Variants in PPP1R21 observed in about 807,000 individuals in gnomAD.
PPP1R21 encodes the protein protein phosphatase 1 regulatory subunit 21.
PPP1R21 carries 85 observed loss-of-function variants against 112.8 expected under a neutral mutation model. That is an observed-to-expected ratio of 0.75 (90% CI 0.63 to 0.90). PPP1R21 has a LOEUF of 0.90. Among genes scored for constraint, PPP1R21 ranks in the 40% least tolerant of loss-of-function variants. The pLI, the probability that PPP1R21 is intolerant of heterozygous loss-of-function variation, is 0.00. For missense variants in PPP1R21, 1,199 were observed against 901.5 expected (o/e 1.33, Z -4.23); for synonymous variants, 381 against 322.3 (o/e 1.18, Z -1.95).
In PPP1R21 at chr2:48,480,156, C is replaced by T. The variant is rs1344773896; in HGVS notation, c.1318+140C>T. 1.4e-5 allele frequency: 9 copies of T among 652,488 alleles called. No homozygotes were observed. In the East Asian group the frequency reaches 1.6e-4, roughly 12 times the overall value. The allele number at this position is 652,488 out of a possible 1,614,324, so 40.4% of individuals were successfully genotyped here. On this transcript the variant is annotated intron_variant, in intron 13 of 21. Coordinates refer to ENST00000294952, the MANE Select transcript of PPP1R21 (RefSeq NM_001135629.3). ...TAGCATTTGGCTTATGTTGAGTGCA[C>T]AGCTCACTGCCTTCTGCTTTTCCCA...
At chr2:48,450,891 A>G (rs1572829317) in intron 1 of PPP1R21, 117 bp from the exon 2 acceptor site, 11 of 752,572 alleles carry the variant, frequency 1.5e-5, no homozygotes, top group East Asian at 2.6e-5. Context: ...GTTCTCATAT[A>G]TATGTGAGAA....
Position 48,461,214 on chromosome 2 carries a change from G to A in PPP1R21, c.676G>A (p.Val226Ile). 1.3e-6 allele frequency: 2 copies of A among 1,575,556 alleles called. No homozygotes were observed. The highest frequency in any genetic ancestry group is 1.7e-6 in the Non-Finnish European group (2 of 1,166,596). Residue 226 changes from valine to isoleucine, a missense_variant, in exon 7 of 22, where the codon GTA (valine) becomes ATA (isoleucine). Val to Ile is a conservative substitution (Grantham distance 29). Coordinates refer to ENST00000294952, the MANE Select transcript of PPP1R21 (RefSeq NM_001135629.3). The stretch of plus-strand genomic sequence containing the variant: ...ATCCTTATCAATCATCAATGAAAAA[G>A]TACCTTTTAATGATACAAGTAGGTA... ...EESLSIINEKVPFNDTKYSQY... is the reference protein window; with the variant it reads ...EESLSIINEKIPFNDTKYSQY...
chr2:48,508,719 A>G (rs1572900771), intron 19 of PPP1R21, among the ~76,000 whole-genome samples: 2 of 152,270 alleles, frequency 1.3e-5, no homozygotes, highest in South Asian at 2.1e-4. Context: ...TGTCAGGTTC[A>G]TTGCTGAGCA....
At chr2:48,450,205 A>G (rs1017839668) in intron 1 of PPP1R21, among the ~76,000 whole-genome samples, 5 of 152,298 alleles carry the variant, frequency 3.3e-5, no homozygotes, top group African/African-American at 1.2e-4. Context: ...AATAGCAGCC[A>G]GTATTGTCTA....
chr2:48,497,702 A>T (rs1182302421), intron 16 of PPP1R21, among the ~76,000 whole-genome samples: 1 of 142,088 alleles, frequency 7.0e-6, no homozygotes, highest in African/African-American at 2.7e-5. Flanking sequence ...CCCAGGCTGG[A>T]GTGCAGTGGC....
chr2:48,512,162 T>C lies in PPP1R21; in HGVS notation c.2313+694T>C, dbSNP rs117808359. On this transcript the variant is annotated intron_variant, in intron 21 of 21. Coordinates refer to ENST00000294952, the MANE Select transcript of PPP1R21 (RefSeq NM_001135629.3). Reference sequence around the variant, plus strand: ...GAAAATTTATTCTCATAAATGTTAATATAACCTTGGAATGTCTTACCCTTT... The same window carrying C: ...GAAAATTTATTCTCATAAATGTTAACATAACCTTGGAATGTCTTACCCTTT... 3.4e-4 allele frequency among the ~76,000 whole-genome samples: 52 copies of C among 152,346 alleles called. No individual in the cohort carries two copies. The East Asian group carries it at 9.8e-3, about 29-fold the overall frequency.
chr2:48,445,099 A>G (rs1445951231), intron 1 of PPP1R21, among the ~76,000 whole-genome samples: 2 of 150,002 alleles, frequency 1.3e-5, no homozygotes, highest in African/African-American at 2.5e-5. Context: ...AGAGAAATAG[A>G]CTCAGGAGCT....
At chr2:48,446,278 A>G (rs192592961) in intron 1 of PPP1R21, among the ~76,000 whole-genome samples, 168 of 152,280 alleles carry the variant, frequency 1.1e-3, no homozygotes, top group African/African-American at 3.9e-3. Context: ...AGCCTATCAC[A>G]TATTGTCAGA....
intron 17 of PPP1R21, among the ~76,000 whole-genome samples, chr2:48,504,348 A>T (rs952632686): frequency 4.6e-5 from 7 of 152,206 alleles, no homozygotes; most frequent in African/African-American, 1.7e-4. Context: ...AGAATACATT[A>T]AAACTGTCTA....
chr2:48,468,855 G>GTGTGTGTGTA (rs1553339051), intron 9 of PPP1R21, among the ~76,000 whole-genome samples: 1 of 151,100 alleles, frequency 6.6e-6, no homozygotes, highest in South Asian at 2.1e-4. Context: ...GTGTGTGTGT[G>GTGTGTGTGTA]TGTATGTATA....
At chr2:48,489,529 T>C (rs1456188826) in intron 14 of PPP1R21, among the ~76,000 whole-genome samples, 2 of 151,714 alleles carry the variant, frequency 1.3e-5, no homozygotes, top group African/African-American at 4.8e-5. Flanking sequence ...TTTGAAAAGA[T>C]GAGGTCTTGC....
At chr2:48,499,817 T>G (rs1558513355) in intron 17 of PPP1R21, among the ~76,000 whole-genome samples, 2 of 152,334 alleles carry the variant, frequency 1.3e-5, no homozygotes, top group Non-Finnish European at 2.9e-5. Context: ...GAATTTAAAG[T>G]TACTTTAAAA....
At position 48,454,501 on chromosome 2, in the gene PPP1R21, G is replaced by C. The variant is rs551758735; in HGVS notation, c.127-94G>C. ...TGAATTTCCTAAAGCAAGAGGTTTT[G>C]ATTATATTTTGGTGAAATAGAAATA... On this transcript the variant is annotated intron_variant, in intron 2 of 21. Transcript: ENST00000294952. 5 of 1,456,222 alleles carry C rather than the reference G, an allele frequency of 3.4e-6. No individual in the cohort carries two copies. In the South Asian group the frequency reaches 6.2e-5, roughly 18 times the overall value. The allele number at this position is 1,456,222 out of a possible 1,614,324, so 90.2% of individuals were successfully genotyped here.
intron 14 of PPP1R21, 43 bp from the exon 15 acceptor site, chr2:48,490,975 T>G: frequency 6.4e-7 from 1 of 1,559,480 alleles, no homozygotes; most frequent in Non-Finnish European, 8.8e-7. Context: ...TTTAGATATA[T>G]TGTTGGAAAA....
rs780529288 is a variant in PPP1R21, at chr2:48,451,076, G to A, written c.126G>A (p.Lys42=). 6.2e-7 allele frequency: 1 copy of A among 1,612,180 alleles called. No individual in the cohort carries two copies. The highest frequency in any genetic ancestry group is 1.7e-5 in the Admixed American group (1 of 60,004). ...AACAAGCAAATTCTGCAGCTTTAAA[G>A]GTGGGCAACAGGATATTTGTGTTGT... is the stretch of plus-strand genomic sequence containing the variant. ...VDEQANSAAL[K]EQLKMKDQSL... Residue 42 remains lysine (K), a splice_region_variant and synonymous_variant, in exon 2 of 22, where the codon AAG becomes AAA. Transcript: ENST00000294952.
intron 7 of PPP1R21, 62 bp downstream of exon 7, chr2:48,461,294 A>C: frequency 7.0e-7 from 1 of 1,431,334 alleles, no homozygotes; most frequent in Non-Finnish European, 9.1e-7. Flanking sequence ...GTAGCCAACT[A>C]ATTAAAGTAA....
chr2:48,477,912 G>A (rs537421694), intron 12 of PPP1R21, among the ~76,000 whole-genome samples: 3 of 152,120 alleles, frequency 2.0e-5, no homozygotes, highest in Admixed American at 6.5e-5. Flanking sequence ...GATCTCTGCA[G>A]ATGTCATCAA....
intron 1 of PPP1R21, among the ~76,000 whole-genome samples, chr2:48,445,972 TC>T (rs1667227725): frequency 6.6e-6 from 1 of 152,186 alleles, no homozygotes; most frequent in Admixed American, 6.5e-5. Flanking sequence ...GCACATGACT[TC>T]AGTATTCTGA....
chr2:48,477,833 G>A (rs568941829), intron 12 of PPP1R21, among the ~76,000 whole-genome samples: 13 of 152,196 alleles, frequency 8.5e-5, no homozygotes, highest in Middle Eastern at 3.4e-3. Context: ...GAGTTGAATT[G>A]TGTCCCCCAA....
Sources: gnomAD v4.1 joint callset for allele counts (sites outside exome capture counted in the v4.1 genomes callset) on GRCh38, gnomAD v4.1.1 for gene constraint, MANE v1.5 for transcripts, NCBI Gene and HGNC (gene_info 2026-07-23, HGNC 2026-07-21) for gene names.